Variants in ASIC2 observed in about 807,000 individuals in gnomAD.
ASIC2 encodes the protein acid-sensing ion channel 2.
Under a neutral mutation model 57.3 loss-of-function variants are expected in ASIC2, and 25 were observed. The observed-to-expected ratio is 0.44, with a 90% CI of 0.32 to 0.61. The LOEUF is 0.61. Ranked by LOEUF, ASIC2 falls within the 20% of genes least tolerant of loss-of-function variation. ASIC2 has a pLI of 0.06. For synonymous variants in ASIC2, 319 were observed against 307.5 expected (o/e 1.04, Z -0.39); for missense variants, 641 against 738.1 (o/e 0.87, Z 1.52).
intron 1 of ASIC2, among the ~76,000 whole-genome samples, chr17:33,642,894 A>G (rs1052196790): frequency 6.6e-6 from 1 of 152,188 alleles, no homozygotes; most frequent in Non-Finnish European, 1.5e-5. Context: ...TGGCTTCCCA[A>G]GGGCCAGGTC....
intron 1 of ASIC2, among the ~76,000 whole-genome samples, chr17:33,238,713 T>C (rs1908389784): frequency 6.6e-6 from 1 of 152,078 alleles, no homozygotes; most frequent in Non-Finnish European, 1.5e-5. Flanking sequence ...CCAACCAATA[T>C]CCACAAGGCT....
chr17:33,410,365 G>A (rs541139166), intron 1 of ASIC2, among the ~76,000 whole-genome samples: 2 of 152,292 alleles, frequency 1.3e-5, no homozygotes, highest in Admixed American at 6.5e-5. Flanking sequence ...GTTTAGAAAC[G>A]TACATGAGAG....
chr17:34,107,371 T>TG (rs1421990079), intron 1 of ASIC2, among the ~76,000 whole-genome samples: 1 of 151,832 alleles, frequency 6.6e-6, no homozygotes, highest in African/African-American at 2.4e-5. Context: ...TAGCTAGGGG[T>TG]GGTGGTGATC....
At chr17:33,455,452 T>A (rs1005896586) in intron 1 of ASIC2, among the ~76,000 whole-genome samples, 4 of 152,254 alleles carry the variant, frequency 2.6e-5, no homozygotes, top group African/African-American at 9.6e-5. Flanking sequence ...TTTGGCTTAC[T>A]GTTTCTTTGT....
At chr17:33,160,728 A>C (rs1241761824) in intron 1 of ASIC2, among the ~76,000 whole-genome samples, 1 of 151,900 alleles carries the variant, frequency 6.6e-6, no homozygotes, top group South Asian at 2.1e-4. Flanking sequence ...GATGGCTGGG[A>C]TGGGGTTTGG....
chr17:34,058,070 T>G (rs1908834494), intron 1 of ASIC2, among the ~76,000 whole-genome samples: 1 of 152,220 alleles, frequency 6.6e-6, no homozygotes, highest in African/African-American at 2.4e-5. Flanking sequence ...CTCAACTTTC[T>G]CCTTGTCCAA....
At chr17:33,414,350 G>A (rs114341367) in intron 1 of ASIC2, among the ~76,000 whole-genome samples, 2,408 of 152,282 alleles carry the variant, frequency 0.016, 32 homozygotes, top group African/African-American at 0.038. Flanking sequence ...GTCTGGGTGT[G>A]GTGGAACGAG....
intron 1 of ASIC2, among the ~76,000 whole-genome samples, chr17:33,238,991 G>C (rs1182998249): frequency 6.6e-6 from 1 of 151,786 alleles, no homozygotes; most frequent in Non-Finnish European, 1.5e-5. Flanking sequence ...ATGACAGAGA[G>C]AGACTCTGTC....
intron 1 of ASIC2, among the ~76,000 whole-genome samples, chr17:33,624,861 G>A (rs1905922883): frequency 6.6e-6 from 1 of 152,190 alleles, no homozygotes; most frequent in African/African-American, 2.4e-5. Flanking sequence ...TCATACATCT[G>A]TTCACCTTCA....
chr17:33,893,729 A>C (rs1275128266), intron 1 of ASIC2, among the ~76,000 whole-genome samples: 1 of 152,180 alleles, frequency 6.6e-6, no homozygotes, highest in South Asian at 2.1e-4. Flanking sequence ...CTTAGTCCAT[A>C]ATCCTTATTT....
intron 2 of ASIC2, among the ~76,000 whole-genome samples, chr17:33,098,129 T>C (rs186414176): frequency 6.6e-6 from 1 of 152,320 alleles, no homozygotes; most frequent in Non-Finnish European, 1.5e-5. Flanking sequence ...CTCAGGTTAC[T>C]TTTAGCTCTA....
At chr17:33,871,490 T>A (rs1217282622) in intron 1 of ASIC2, among the ~76,000 whole-genome samples, 1 of 152,064 alleles carries the variant, frequency 6.6e-6, no homozygotes, top group Non-Finnish European at 1.5e-5. Flanking sequence ...GGACAATGAG[T>A]GGAGAAGGTC....
intron 1 of ASIC2, among the ~76,000 whole-genome samples, chr17:33,159,922 TG>T (rs1156921419): frequency 6.6e-6 from 1 of 152,264 alleles, no homozygotes; most frequent in African/African-American, 2.4e-5. Flanking sequence ...AAATGCTCAG[TG>T]AAAGGCTGGG....
At chr17:33,899,737 G>A (rs1211635756) in intron 1 of ASIC2, among the ~76,000 whole-genome samples, 4 of 152,150 alleles carry the variant, frequency 2.6e-5, no homozygotes, top group South Asian at 2.1e-4. Flanking sequence ...TTTAATCATA[G>A]CAATATTCCA....
chr17:33,878,595 T>C (rs973526603), intron 1 of ASIC2, among the ~76,000 whole-genome samples: 1 of 152,106 alleles, frequency 6.6e-6, no homozygotes, highest in Non-Finnish European at 1.5e-5. Context: ...CTCCAAGAAA[T>C]ATGGCACTAT....
chr17:34,089,691 A>T (rs1035096384), intron 1 of ASIC2, among the ~76,000 whole-genome samples: 1 of 152,034 alleles, frequency 6.6e-6, no homozygotes, highest in Non-Finnish European at 1.5e-5. Context: ...CATTTGCTGC[A>T]GAGAAGATCA....
At chr17:33,130,705 G>A (rs115329808) in intron 1 of ASIC2, among the ~76,000 whole-genome samples, 2,740 of 152,268 alleles carry the variant, frequency 0.018, 94 homozygotes, top group African/African-American at 0.063. Flanking sequence ...GGGGGGACTT[G>A]GCTGGAGTCT....
intron 1 of ASIC2, among the ~76,000 whole-genome samples, chr17:33,816,062 G>A (rs764748612): frequency 3.3e-5 from 5 of 151,858 alleles, no homozygotes; most frequent in African/African-American, 4.8e-5. Context: ...ATTACATAGG[G>A]CTGTGGGAAC....
intron 3 of ASIC2, among the ~76,000 whole-genome samples, chr17:33,070,266 T>C (rs746977629): frequency 1.7e-4 from 26 of 152,302 alleles, no homozygotes; most frequent in Non-Finnish European, 3.5e-4. Context: ...TTTAAGTAAA[T>C]GTAAATAACA....
Sources: allele counts gnomAD v4.1 joint callset (sites outside exome capture counted in the v4.1 genomes callset), GRCh38; gene constraint gnomAD v4.1.1; transcripts MANE v1.5; gene names NCBI Gene and HGNC (gene_info 2026-07-23, HGNC 2026-07-21).